The following DROSHA variants were observed in gnomAD, a reference collection of about 807,000 sequenced individuals.
DROSHA encodes drosha ribonuclease III.
A neutral mutation model predicts 181.9 loss-of-function variants in DROSHA; 56 were observed. The observed-to-expected ratio is 0.31, with a 90% CI of 0.25 to 0.38. The LOEUF is 0.38. DROSHA is among the 10% of genes least tolerant of loss of function. DROSHA has a pLI of 1.00. For synonymous variants in DROSHA, 524 were observed against 591.2 expected (o/e 0.89, Z 1.65); for missense variants, 1,218 against 1,743.5 (o/e 0.70, Z 5.37).
intron 13 of DROSHA, chr5:31,486,807 A>G: frequency 2.7e-6 from 1 of 366,682 alleles, no homozygotes. Context: ...TATTAGCAGC[A>G]GCAACACAAA....
intron 20 of DROSHA, among the ~76,000 whole-genome samples, chr5:31,462,726 G>C (rs1204749768): frequency 6.6e-6 from 1 of 151,570 alleles, no homozygotes; most frequent in Admixed American, 6.6e-5. Flanking sequence ...GGAGGTGGGG[G>C]AGAAATCAAG....
intron 34 of DROSHA, among the ~76,000 whole-genome samples, 188 bp from the exon 35 acceptor site, chr5:31,405,911 G>A (rs1218813208): frequency 2.0e-5 from 3 of 150,420 alleles, no homozygotes; most frequent in Non-Finnish European, 2.9e-5. Context: ...ATATACACAA[G>A]AGCATGCAGA....
intron 5 of DROSHA, among the ~76,000 whole-genome samples, chr5:31,523,640 T>A (rs1459393978): frequency 2.0e-5 from 3 of 152,206 alleles, no homozygotes; most frequent in Non-Finnish European, 2.9e-5. Flanking sequence ...AACTATTTAC[T>A]CTTTCCAGTT....
In DROSHA at chr5:31,409,127, G is replaced by A. The variant is rs1363385280; in HGVS notation, c.3783C>T (p.Pro1261=). 1 of 1,613,900 alleles carries A rather than the reference G, an allele frequency of 6.2e-7. No homozygotes were observed. The highest frequency in any genetic ancestry group is 8.5e-7 in the Non-Finnish European group (1 of 1,179,844). ...AGCAACACTGCTGAAGCTGGGATTT[G>A]GGGTCATTCCAATCCTGATTCAAAA... is the stretch of plus-strand genomic sequence containing the variant. The part of the protein sequence containing the change: ...EFILNQDWND[P]KSQLQQCCLT... The change falls in exon 33 of 36, where the codon CCC becomes CCT. Residue 1261 remains proline, a synonymous_variant. Transcript: ENST00000344624. The surrounding 1 kb of genome is among the most constrained non-coding windows in gnomAD (Gnocchi z 4.0).
intron 16 of DROSHA, among the ~76,000 whole-genome samples, chr5:31,477,426 T>A (rs536873968): frequency 6.6e-6 from 1 of 152,216 alleles, no homozygotes; most frequent in African/African-American, 2.4e-5. Flanking sequence ...ATCCTAATAA[T>A]CTTATTTTCT....
At chr5:31,444,268 C>T (rs562920723) in intron 23 of DROSHA, among the ~76,000 whole-genome samples, 1 of 152,264 alleles carries the variant, frequency 6.6e-6, no homozygotes, top group East Asian at 1.9e-4. Flanking sequence ...GGCCAAGAGG[C>T]TCTTTCTGAA....
chr5:31,511,698 T>TAA lies in DROSHA; in HGVS notation c.1291-524_1291-523dup, dbSNP rs111259754. 3.1e-3 allele frequency among the ~76,000 whole-genome samples: 449 copies of TAA among 143,704 alleles called. 3 individuals carry two copies. The highest frequency in any genetic ancestry group is 0.025 in the South Asian group (115 of 4,552). The allele number at this position is 143,704 out of a possible 152,430, so 94.3% of individuals were successfully genotyped here. ...CTGGGTGACATAGAGAGACCTCATC[T>TAA]AAAAAAAAAAAAACAGAAAAGAAAC... On this transcript the variant is annotated intron_variant, in intron 8 of 35. Transcript: ENST00000344624.
intron 23 of DROSHA, among the ~76,000 whole-genome samples, chr5:31,444,925 T>C (rs1746068358): frequency 6.6e-6 from 1 of 152,180 alleles, no homozygotes; most frequent in African/African-American, 2.4e-5. Context: ...AGAGAACAAC[T>C]CAAGGCAAGT....
At chr5:31,513,668 T>C (rs546072251) in intron 8 of DROSHA, among the ~76,000 whole-genome samples, 2 of 152,326 alleles carry the variant, frequency 1.3e-5, no homozygotes, top group East Asian at 3.9e-4. Context: ...TCCCCACAGA[T>C]ACGAGTCCAA....
intron 16 of DROSHA, among the ~76,000 whole-genome samples, chr5:31,477,371 CTGTA>C (rs2150032429): frequency 6.6e-6 from 1 of 152,320 alleles, no homozygotes; most frequent in Non-Finnish European, 1.5e-5. Flanking sequence ...CTGACAGTAA[CTGTA>C]TGACTGCGTT....
intron 11 of DROSHA, among the ~76,000 whole-genome samples, chr5:31,502,924 G>A (rs537323097): frequency 6.6e-6 from 1 of 152,138 alleles, no homozygotes; most frequent in East Asian, 1.9e-4. Flanking sequence ...AATATAGATG[G>A]ACTCCTGGTC....
chr5:31,485,504 T>A (rs1751618907), intron 14 of DROSHA, among the ~76,000 whole-genome samples: 1 of 152,124 alleles, frequency 6.6e-6, no homozygotes, highest in Admixed American at 6.5e-5. Flanking sequence ...CAAGTGAGAC[T>A]TATCTCATAA....
chr5:31,431,940 A>C (rs1029462510), intron 25 of DROSHA, among the ~76,000 whole-genome samples: 1 of 152,178 alleles, frequency 6.6e-6, no homozygotes, highest in Non-Finnish European at 1.5e-5. Flanking sequence ...AGAATTGATC[A>C]GATCTGAACT....
At chr5:31,415,539 T>C (rs935175288) in intron 30 of DROSHA, among the ~76,000 whole-genome samples, 4 of 152,222 alleles carry the variant, frequency 2.6e-5, no homozygotes, top group African/African-American at 9.6e-5. Context: ...TTATGCTCAG[T>C]GCTGTGTGGA....
At chr5:31,510,239 C>T (rs1306198505) in intron 9 of DROSHA, among the ~76,000 whole-genome samples, 1 of 152,132 alleles carries the variant, frequency 6.6e-6, no homozygotes, top group African/African-American at 2.4e-5. Context: ...CTACTGTCTA[C>T]TGTCATCCCT....
chr5:31,484,995 T>C (rs896875883), intron 14 of DROSHA, 33 bp from the exon 15 acceptor site: 44 of 1,462,550 alleles, frequency 3.0e-5, no homozygotes, highest in Non-Finnish European at 4.0e-5. Flanking sequence ...ATTACTGTAG[T>C]TTGGCAAAAT....
chr5:31,512,146 C>A (rs776406001), intron 8 of DROSHA, among the ~76,000 whole-genome samples: 5 of 152,190 alleles, frequency 3.3e-5, no homozygotes, highest in Non-Finnish European at 5.9e-5. Context: ...AAAAACCAGA[C>A]CTGTCAAATG....
At chr5:31,483,705 A>G in intron 15 of DROSHA, 77 bp from the exon 16 acceptor site, 1 of 1,391,654 alleles carries the variant, frequency 7.2e-7, no homozygotes, top group Non-Finnish European at 9.8e-7. Context: ...CTTAATTTCT[A>G]AGATTTATGA....
intron 16 of DROSHA, among the ~76,000 whole-genome samples, chr5:31,473,889 G>C (rs967844487): frequency 3.9e-5 from 6 of 152,212 alleles, no homozygotes; most frequent in Non-Finnish European, 8.8e-5. Context: ...AGGGAAGTCA[G>C]ATCTTACAAA....
Sources: gnomAD v4.1 joint callset for allele counts (sites outside exome capture counted in the v4.1 genomes callset) on GRCh38, gnomAD v4.1.1 for gene constraint, Gnocchi (gnomAD v3.1) non-coding constraint, MANE v1.5 for transcripts, NCBI Gene and HGNC (gene_info 2026-07-23, HGNC 2026-07-21) for gene names.